Variants in MAST4 observed in about 807,000 individuals in gnomAD.
MAST4 encodes the protein microtubule associated serine/threonine kinase family member 4.
MAST4 carries 89 observed loss-of-function variants against 162.7 expected under a neutral mutation model. The ratio of observed to expected loss-of-function variants is 0.55; its 90% CI spans 0.46 to 0.65. The LOEUF (loss-of-function observed/expected upper bound fraction) is 0.65. Ranked by LOEUF, MAST4 falls within the 30% of genes least tolerant of loss-of-function variation. The probability of loss-of-function intolerance (pLI) is 0.00; values close to 1 mark genes in which losing one functional copy is unlikely to be tolerated. For missense variants in MAST4, 3,153 were observed against 3,374.0 expected (o/e 0.93, Z 1.62); for synonymous variants, 1,479 against 1,361.1 (o/e 1.09, Z -1.91).
At chr5:66,718,705 T>C (rs1375826797) in intron 1 of MAST4, among the ~76,000 whole-genome samples, 8 of 152,250 alleles carry the variant, frequency 5.3e-5, no homozygotes, top group Non-Finnish European at 8.8e-5. Context: ...GGATGTGCTC[T>C]GTTCCGGTAA....
chr5:66,858,423 G>A (rs1263440240), intron 3 of MAST4, among the ~76,000 whole-genome samples: 1 of 152,144 alleles, frequency 6.6e-6, no homozygotes, highest in Non-Finnish European at 1.5e-5. Flanking sequence ...AATCTGTGGT[G>A]TATCATTTAC....
chr5:67,080,744 A>G (rs1036700982), intron 5 of MAST4, among the ~76,000 whole-genome samples: 2 of 151,366 alleles, frequency 1.3e-5, no homozygotes. Context: ...TTTAAATATT[A>G]TAATATTACA....
At chr5:66,960,565 C>G (rs943989798) in intron 4 of MAST4, among the ~76,000 whole-genome samples, 1 of 152,088 alleles carries the variant, frequency 6.6e-6, no homozygotes, top group Non-Finnish European at 1.5e-5. Context: ...CCTCCTCTCT[C>G]TAGCTGGAAA....
intron 4 of MAST4, among the ~76,000 whole-genome samples, chr5:66,994,796 A>C (rs1344303218): frequency 6.6e-6 from 1 of 152,124 alleles, no homozygotes; most frequent in Non-Finnish European, 1.5e-5. Context: ...ATAGCTATTT[A>C]ATTCTTTGAA....
chr5:66,956,970 A>G (rs1745389031), intron 4 of MAST4, among the ~76,000 whole-genome samples: 1 of 152,138 alleles, frequency 6.6e-6, no homozygotes, highest in Non-Finnish European at 1.5e-5. Flanking sequence ...TTTTACATTG[A>G]AAGGAGGCTT....
chr5:67,110,070 C>T (rs1240381509), intron 10 of MAST4, 28 bp from the exon 11 acceptor site: 2 of 1,515,886 alleles, frequency 1.3e-6, no homozygotes. Context: ...AACTCTGCAT[C>T]ATCACTCTCT....
At chr5:66,743,752 C>T (rs1341658732) in intron 1 of MAST4, among the ~76,000 whole-genome samples, 1 of 152,168 alleles carries the variant, frequency 6.6e-6, no homozygotes, top group Non-Finnish European at 1.5e-5. Flanking sequence ...CGGATCTATG[C>T]TGTGCCAGGG....
At chr5:67,152,181 T>G (rs1771914730) in intron 24 of MAST4, among the ~76,000 whole-genome samples, 1 of 152,252 alleles carries the variant, frequency 6.6e-6, no homozygotes, top group Non-Finnish European at 1.5e-5. Flanking sequence ...TAAAATTGTT[T>G]AGTGAAGAAT....
chr5:66,893,199 GTTTTGTTTTT>G (rs1018264423), intron 3 of MAST4, among the ~76,000 whole-genome samples: 6 of 151,930 alleles, frequency 3.9e-5, no homozygotes, highest in African/African-American at 1.5e-4. Context: ...GTTTTGTTTT[GTTTTGTTTTT>G]GATGTTGTTT....
intron 4 of MAST4, among the ~76,000 whole-genome samples, chr5:66,964,218 T>A (rs976988122): frequency 1.4e-4 from 22 of 152,352 alleles, no homozygotes; most frequent in African/African-American, 5.1e-4. Context: ...TAATATTTTT[T>A]AAATCATTTT....
intron 4 of MAST4, among the ~76,000 whole-genome samples, chr5:66,955,736 C>A (rs1374134527): frequency 6.6e-6 from 1 of 152,068 alleles, no homozygotes; most frequent in Non-Finnish European, 1.5e-5. Flanking sequence ...CAATATTATA[C>A]TTTAAAATGA....
chr5:66,953,507 A>G lies in MAST4; in HGVS notation c.674+53525A>G, dbSNP rs1385648519. Among the ~76,000 whole-genome samples, 3 of 152,108 alleles carry G rather than the reference A, an allele frequency of 2.0e-5. No homozygotes were observed. In the East Asian group the frequency reaches 5.8e-4, roughly 29 times the overall value. On this transcript the variant is annotated intron_variant, in intron 4 of 28. Coordinates refer to ENST00000403625, the MANE Select transcript of MAST4 (RefSeq NM_001164664.2). ...AGGTTGCTGTTCCTGTATGGCATGG[A>G]GACCCTGATAATTAGGTTTCTGTAA...
At chr5:66,745,315 G>T (rs1405377864) in intron 1 of MAST4, among the ~76,000 whole-genome samples, 1 of 152,134 alleles carries the variant, frequency 6.6e-6, no homozygotes, top group Admixed American at 6.5e-5. Context: ...GCCTAAAGAA[G>T]GGTAGATGTT....
intron 1 of MAST4, among the ~76,000 whole-genome samples, chr5:66,727,988 G>C (rs1296889703): frequency 2.0e-5 from 3 of 151,990 alleles, no homozygotes. Flanking sequence ...AACCATTGTT[G>C]GTTTTCTCTG....
intron 5 of MAST4, among the ~76,000 whole-genome samples, chr5:67,062,762 T>C (rs1297563821): frequency 6.6e-6 from 1 of 152,198 alleles, no homozygotes; most frequent in Non-Finnish European, 1.5e-5. Flanking sequence ...TAATATTAAC[T>C]TTCTTTTTTG....
chr5:66,869,503 T>C (rs529823997), intron 3 of MAST4, among the ~76,000 whole-genome samples: 2 of 152,288 alleles, frequency 1.3e-5, no homozygotes, highest in Non-Finnish European at 2.9e-5. Flanking sequence ...AAAGAATGCA[T>C]GTTGGCAGGG....
At chr5:66,725,594 A>C (rs943015663) in intron 1 of MAST4, among the ~76,000 whole-genome samples, 3 of 152,084 alleles carry the variant, frequency 2.0e-5, no homozygotes, top group African/African-American at 7.2e-5. Flanking sequence ...GACTTCTAAA[A>C]CTTCTTAGAT....
In MAST4 at chr5:66,700,798, TATACAC is replaced by T. The variant is rs200811463; in HGVS notation, c.364-58909_364-58904del. 3.2e-3 allele frequency among the ~76,000 whole-genome samples: 441 copies of T among 136,192 alleles called. 3 individuals are homozygous for T. The highest frequency in any genetic ancestry group is 7.2e-3 in the South Asian group (32 of 4,420). 89.3% of individuals were successfully genotyped at this position (136,192 alleles called of 152,430 possible). A position where few individuals can be genotyped will look rare whatever the true frequency, so the allele number is the denominator to read the frequency against. ...AAAAAAAATTATATATATATATATA[TATACAC>T]ACACACACACACACACACACACATA... On this transcript the variant is annotated intron_variant, in intron 1 of 28. Transcript: ENST00000403625.
chr5:66,943,877 A>G (rs1047344063), intron 4 of MAST4, among the ~76,000 whole-genome samples: 1 of 152,116 alleles, frequency 6.6e-6, no homozygotes, highest in African/African-American at 2.4e-5. Flanking sequence ...CAAAATCATT[A>G]TGCAAGGTGT....
Sources: gnomAD v4.1 joint callset for allele counts (sites outside exome capture counted in the v4.1 genomes callset) on GRCh38, gnomAD v4.1.1 for gene constraint, MANE v1.5 for transcripts, NCBI Gene and HGNC (gene_info 2026-07-23, HGNC 2026-07-21) for gene names.